Variants in GRXCR1 observed in about 807,000 individuals in gnomAD.
The protein encoded by GRXCR1 is glutaredoxin domain-containing cysteine-rich protein 1.
Under a neutral mutation model 27.3 loss-of-function variants are expected in GRXCR1, and 27 were observed. That is an observed-to-expected ratio of 0.99 (90% CI 0.73 to 1.37). The LOEUF (loss-of-function observed/expected upper bound fraction) is 1.37. GRXCR1 is among the 40% of genes most tolerant of loss of function. GRXCR1 has a pLI of 0.00. For synonymous variants in GRXCR1, 122 were observed against 131.1 expected, an observed-to-expected ratio of 0.93 and a Z score of 0.47; for missense variants, 379 against 354.4, an observed-to-expected ratio of 1.07 and a Z score of -0.56.
intron 1 of GRXCR1, among the ~76,000 whole-genome samples, chr4:42,918,859 A>T (rs181161445): frequency 6.6e-6 from 1 of 152,230 alleles, no homozygotes; most frequent in East Asian, 1.9e-4. Flanking sequence ...TGTTTGGAAA[A>T]TTAAAAAGCG....
intron 2 of GRXCR1, among the ~76,000 whole-genome samples, chr4:42,998,482 A>G (rs138174397): frequency 2.0e-5 from 3 of 152,362 alleles, no homozygotes; most frequent in African/African-American, 7.2e-5. Context: ...GTCTCTGAAG[A>G]CAATATCACA....
intron 1 of GRXCR1, among the ~76,000 whole-genome samples, chr4:42,917,450 C>T (rs1746910704): frequency 6.6e-6 from 1 of 152,112 alleles, no homozygotes; most frequent in Non-Finnish European, 1.5e-5. Context: ...GAAAAACTGC[C>T]AGTGAAAATG....
At chr4:42,946,756 C>G (rs1461537222) in intron 1 of GRXCR1, among the ~76,000 whole-genome samples, 1 of 152,096 alleles carries the variant, frequency 6.6e-6, no homozygotes, top group Non-Finnish European at 1.5e-5. Context: ...ACCTAATCAC[C>G]TCTCAAAAGC....
chr4:42,959,415 C>T (rs962950968), intron 1 of GRXCR1, among the ~76,000 whole-genome samples: 8 of 150,696 alleles, frequency 5.3e-5, no homozygotes, highest in South Asian at 2.1e-4. Context: ...TGAATGGTGG[C>T]TGTTAGTGGT....
At chr4:42,975,363 A>T (rs562391643) in intron 2 of GRXCR1, among the ~76,000 whole-genome samples, 1 of 152,214 alleles carries the variant, frequency 6.6e-6, no homozygotes, top group Admixed American at 6.5e-5. Context: ...GTCATCAGAT[A>T]TTGGTGTCAA....
chr4:42,953,981 C>T (rs543542266), intron 1 of GRXCR1, among the ~76,000 whole-genome samples: 9 of 151,956 alleles, frequency 5.9e-5, no homozygotes, highest in South Asian at 2.1e-4. Flanking sequence ...CAGGATTATC[C>T]GGTTACTAAG....
intron 2 of GRXCR1, among the ~76,000 whole-genome samples, chr4:42,987,689 C>A (rs972524396): frequency 1.3e-5 from 2 of 151,994 alleles, no homozygotes; most frequent in African/African-American, 4.8e-5. Context: ...TGACATATAA[C>A]CATGTTGGAT....
chr4:42,915,539 CT>C (rs1283397583), intron 1 of GRXCR1, among the ~76,000 whole-genome samples: 1 of 151,972 alleles, frequency 6.6e-6, no homozygotes, highest in Non-Finnish European at 1.5e-5. Context: ...TGATTTAAGA[CT>C]TTTGTTTTGT....
intron 1 of GRXCR1, among the ~76,000 whole-genome samples, chr4:42,938,266 A>T (rs573255849): frequency 8.5e-4 from 129 of 152,044 alleles, no homozygotes; most frequent in African/African-American, 3.1e-3. Flanking sequence ...ATTCTTTTTT[A>T]TGGCTGATTA....
intron 1 of GRXCR1, among the ~76,000 whole-genome samples, chr4:42,906,715 C>A (rs868157793): frequency 4.6e-5 from 7 of 152,098 alleles, no homozygotes; most frequent in Non-Finnish European, 8.8e-5. Flanking sequence ...TACAAGCAAC[C>A]CTTCATTGAA....
intron 2 of GRXCR1, among the ~76,000 whole-genome samples, chr4:42,988,744 T>G (rs1577934236): frequency 6.6e-6 from 1 of 152,200 alleles, no homozygotes; most frequent in African/African-American, 2.4e-5. Flanking sequence ...TAAGCTGTGG[T>G]CTTTGCCACC....
chr4:42,912,841 G>A (rs1355968630), intron 1 of GRXCR1, among the ~76,000 whole-genome samples: 2 of 152,132 alleles, frequency 1.3e-5, no homozygotes, highest in African/African-American at 2.4e-5. Context: ...TAATCTCCAT[G>A]TGTCAAGGGT....
chr4:42,947,011 C>G (rs780871529), intron 1 of GRXCR1, among the ~76,000 whole-genome samples: 6 of 151,964 alleles, frequency 3.9e-5, no homozygotes, highest in Non-Finnish European at 8.8e-5. Context: ...TTGAAGGGCT[C>G]CCTAGAGATA....
At chr4:42,918,385 C>T (rs1415863216) in intron 1 of GRXCR1, among the ~76,000 whole-genome samples, 1 of 151,992 alleles carries the variant, frequency 6.6e-6, no homozygotes, top group Admixed American at 6.6e-5. Flanking sequence ...TTGGAGGGGA[C>T]CAAATATTCA....
intron 2 of GRXCR1, among the ~76,000 whole-genome samples, chr4:42,970,734 T>C (rs1044845806): frequency 6.6e-6 from 1 of 152,178 alleles, no homozygotes; most frequent in Non-Finnish European, 1.5e-5. Context: ...GTCTCTGAAA[T>C]GCCCTGGAGA....
At chr4:42,962,821 A>C (rs1308068491) in intron 1 of GRXCR1, 71 bp from the exon 2 acceptor site, 2 of 1,570,820 alleles carry the variant, frequency 1.3e-6, no homozygotes, top group Admixed American at 1.7e-5. Context: ...CGCAATTTTT[A>C]ATTGTCTTAA....
chr4:42,929,772 T>C (rs1377062576), intron 1 of GRXCR1, among the ~76,000 whole-genome samples: 1 of 151,922 alleles, frequency 6.6e-6, no homozygotes, highest in African/African-American at 2.4e-5. Context: ...CCACCATTCC[T>C]CAAAATAATC....
At position 42,893,431 on chromosome 4, in the gene GRXCR1, A is replaced by C; in HGVS notation, c.165A>C (p.Leu55=). The C allele has an allele frequency of 1.2e-6, 2 of 1,613,874 alleles. No homozygotes were observed. Among genetic ancestry groups the C allele is most frequent in the Non-Finnish European group, 1.7e-6 (2 of 1,179,828 alleles). Residue 55 remains leucine (L), a synonymous_variant, in exon 1 of 4, where the codon CTA becomes CTC. Coordinates refer to ENST00000399770, the MANE Select transcript of GRXCR1 (RefSeq NM_001080476.3). ...CCAGTATCTGTGGGATAGATGGACT[A>C]GGTGATTCCGATGGACAGCAGAATG... ...ECASICGIDG[L]GDSDGQQNGH...
chr4:43,024,686 A>T (rs1176917317), intron 3 of GRXCR1, among the ~76,000 whole-genome samples: 1 of 152,200 alleles, frequency 6.6e-6, no homozygotes, highest in African/African-American at 2.4e-5. Context: ...GGATGCCGGA[A>T]ACACTGATGA....
Sources: allele counts gnomAD v4.1 joint callset (sites outside exome capture counted in the v4.1 genomes callset), GRCh38; gene constraint gnomAD v4.1.1; transcripts MANE v1.5; gene names NCBI Gene and HGNC (gene_info 2026-07-23, HGNC 2026-07-21).